JARID2: variants seen among roughly 807,000 people sequenced by gnomAD.
JARID2 encodes the protein jumonji and AT-rich interaction domain containing 2.
A neutral mutation model predicts 125.6 loss-of-function variants in JARID2; 21 were observed. The observed-to-expected ratio is 0.17, with a 90% CI of 0.12 to 0.24. The LOEUF is 0.24. Among genes scored for constraint, JARID2 ranks in the 10% least tolerant of loss-of-function variants. The probability of loss-of-function intolerance (pLI) is 1.00; values close to 1 mark genes in which losing one functional copy is unlikely to be tolerated. For missense variants in JARID2, 1,303 were observed against 1,639.6 expected, an observed-to-expected ratio of 0.79 and a Z score of 3.55; for synonymous variants, 736 against 661.6, an observed-to-expected ratio of 1.11 and a Z score of -1.73.
intron 1 of JARID2, among the ~76,000 whole-genome samples, chr6:15,330,765 A>G (rs913217531): frequency 6.6e-6 from 1 of 152,212 alleles, no homozygotes; most frequent in African/African-American, 2.4e-5. Flanking sequence ...AATCATTGCT[A>G]AGAGGTATTG....
intron 3 of JARID2, among the ~76,000 whole-genome samples, chr6:15,429,031 A>T (rs1766858506): frequency 6.6e-6 from 1 of 151,512 alleles, no homozygotes; most frequent in Non-Finnish European, 1.5e-5. Flanking sequence ...AATTGGTTGA[A>T]AGCAACATCA....
intron 12 of JARID2, among the ~76,000 whole-genome samples, chr6:15,510,773 G>A (rs1056132504): frequency 6.6e-6 from 1 of 152,210 alleles, no homozygotes; most frequent in African/African-American, 2.4e-5. Flanking sequence ...ACATGTGCAT[G>A]AGCCTGGCTC....
chr6:15,408,262 A>T (rs1458020420), intron 2 of JARID2, among the ~76,000 whole-genome samples: 1 of 152,208 alleles, frequency 6.6e-6, no homozygotes, highest in Non-Finnish European at 1.5e-5. Flanking sequence ...AAAAGCAAAA[A>T]GAAAAATTTG....
intron 1 of JARID2, among the ~76,000 whole-genome samples, chr6:15,361,892 CTTTTTTTT>C (rs58352410): frequency 1.7e-5 from 2 of 121,168 alleles, no homozygotes; most frequent in Admixed American, 8.5e-5. Flanking sequence ...TGGGAGCCCC[CTTTTTTTT>C]TTTTTTTTTT....
chr6:15,293,504 G>C (rs1000113313), intron 1 of JARID2, among the ~76,000 whole-genome samples: 2 of 152,240 alleles, frequency 1.3e-5, no homozygotes, highest in African/African-American at 4.8e-5. Flanking sequence ...GTAAATGTTT[G>C]TGATAAGGCC....
chr6:15,443,485 C>T (rs1236381080), intron 3 of JARID2, among the ~76,000 whole-genome samples: 1 of 152,126 alleles, frequency 6.6e-6, no homozygotes, highest in Non-Finnish European at 1.5e-5. Flanking sequence ...TCACCTTCCC[C>T]TCCACCTTCT....
intron 9 of JARID2, chr6:15,505,186 A>C (rs1457008655): frequency 1.3e-5 from 2 of 152,154 alleles, no homozygotes; most frequent in Non-Finnish European, 2.9e-5. Flanking sequence ...GTCCGTGTGA[A>C]CTTCCAGCTG....
chr6:15,502,546 C>A (rs1340258457), intron 8 of JARID2, among the ~76,000 whole-genome samples: 1 of 152,224 alleles, frequency 6.6e-6, no homozygotes, highest in Non-Finnish European at 1.5e-5. Flanking sequence ...TGCCTGACTG[C>A]AGGCTCTGGC....
chr6:15,449,850 A>G lies in JARID2; in HGVS notation c.324-2156A>G, dbSNP rs142248948. On this transcript the variant is annotated intron_variant, in intron 3 of 17. Coordinates refer to ENST00000341776, the MANE Select transcript of JARID2 (RefSeq NM_004973.4). ...TGTTTTCGATGGTCATAGGGGAGAC[A>G]AGAGTAGACACTGCTTAGGACATAC... 1.8e-3 allele frequency among the ~76,000 whole-genome samples: 274 copies of G among 152,242 alleles called. 2 individuals carry two copies. Among genetic ancestry groups the G allele is most frequent in the Non-Finnish European group, 3.2e-3 (219 of 68,006 alleles).
intron 1 of JARID2, among the ~76,000 whole-genome samples, chr6:15,330,152 C>T (rs1762659706): frequency 6.6e-6 from 1 of 152,190 alleles, no homozygotes; most frequent in South Asian, 2.1e-4. Flanking sequence ...CAGGCTGTAA[C>T]TTTAAAAGAA....
At chr6:15,281,577 G>C (rs1383316166) in intron 1 of JARID2, among the ~76,000 whole-genome samples, 1 of 152,166 alleles carries the variant, frequency 6.6e-6, no homozygotes, top group Non-Finnish European at 1.5e-5. Flanking sequence ...TTCCCCGCGT[G>C]GGGGGCCCCC....
At chr6:15,342,130 C>T (rs768834274) in intron 1 of JARID2, among the ~76,000 whole-genome samples, 19 of 152,276 alleles carry the variant, frequency 1.2e-4, no homozygotes, top group East Asian at 3.9e-4. Context: ...AAACAATCCC[C>T]GGAGCAGCAT....
chr6:15,507,309 C>G, intron 10 of JARID2, 37 bp from the exon 11 acceptor site: 1 of 1,607,750 alleles, frequency 6.2e-7, no homozygotes, highest in South Asian at 1.1e-5. Flanking sequence ...ATCCTTTCCC[C>G]GCCAGTTTGT....
intron 1 of JARID2, among the ~76,000 whole-genome samples, chr6:15,341,282 A>G (rs1221222651): frequency 2.0e-5 from 3 of 152,074 alleles, no homozygotes; most frequent in Non-Finnish European, 4.4e-5. Context: ...TCCCTCCCAT[A>G]TGTTCTTTTT....
chr6:15,282,588 T>C (rs1581364295), intron 1 of JARID2, among the ~76,000 whole-genome samples: 2 of 123,238 alleles, frequency 1.6e-5, no homozygotes, highest in Non-Finnish European at 3.7e-5. Context: ...TCTCTCCCCC[T>C]CTCCTCTCTT....
intron 2 of JARID2, among the ~76,000 whole-genome samples, chr6:15,406,668 A>G (rs1482917151): frequency 1.3e-5 from 2 of 152,200 alleles, no homozygotes; most frequent in Non-Finnish European, 2.9e-5. Context: ...GCCTTATCAG[A>G]GTAGCCTTAT....
chr6:15,507,389 A>G lies in JARID2; in HGVS notation c.2704A>G (p.Ile902Val), dbSNP rs1771055734. 2.6e-5 allele frequency: 42 copies of G among 1,613,982 alleles called. No homozygotes were observed. The highest frequency in any genetic ancestry group is 3.5e-5 in the Non-Finnish European group (41 of 1,180,002). The change falls in exon 11 of 18, where the codon ATC becomes GTC. Residue 902 changes from isoleucine to valine, a missense_variant. Around this residue, in one of 11 missense-constraint regions of JARID2, gnomAD observed 27 missense variants for 108.7 expected, o/e 0.25. Transcript: ENST00000341776. ...LTVLPNNTGS[I>V]LRHLGAVPGV... ...CGTCCTCCCCAATAACACAGGGTCC[A>G]TCCTGCGTCACCTCGGTGCTGTGCC...
At chr6:15,476,774 A>G (rs1464758624) in intron 5 of JARID2, among the ~76,000 whole-genome samples, 1 of 152,222 alleles carries the variant, frequency 6.6e-6, no homozygotes, top group Non-Finnish European at 1.5e-5. Context: ...GGTAATGACT[A>G]TTTGGAAACC....
chr6:15,297,077 G>C (rs903952528), intron 1 of JARID2, among the ~76,000 whole-genome samples: 6 of 152,190 alleles, frequency 3.9e-5, no homozygotes, highest in Non-Finnish European at 7.3e-5. Context: ...CATAGGTGTC[G>C]TGACAACCAG....
Sources: allele counts gnomAD v4.1 joint callset (sites outside exome capture counted in the v4.1 genomes callset), GRCh38; gene constraint gnomAD v4.1.1; regional missense constraint gnomAD v4.1.1; transcripts MANE v1.5; gene names NCBI Gene and HGNC (gene_info 2026-07-23, HGNC 2026-07-21).